The following CSMD1 variants were observed in gnomAD, a reference collection of about 807,000 sequenced individuals.
CSMD1 encodes the protein CUB and sushi domain-containing protein 1.
In CSMD1, 213 loss-of-function variants were observed where a neutral mutation model predicts 417.5. That is an observed-to-expected ratio of 0.51 (90% CI 0.46 to 0.57). The LOEUF is 0.57. CSMD1 is among the 20% of genes least tolerant of loss of function. The pLI, the probability that CSMD1 is intolerant of heterozygous loss-of-function variation, is 0.00. For missense variants in CSMD1, 6,923 were observed against 4,529.7 expected, an observed-to-expected ratio of 1.53 and a Z score of -15.17; for synonymous variants, 2,862 against 1,736.8, an observed-to-expected ratio of 1.65 and a Z score of -16.11.
intron 3 of CSMD1, among the ~76,000 whole-genome samples, chr8:4,185,807 T>G (rs542595041): frequency 1.6e-4 from 24 of 152,196 alleles, no homozygotes; most frequent in African/African-American, 5.5e-4. Context: ...GCAGACCCAG[T>G]GCCAGAGTCA....
At chr8:3,602,678 A>C (rs983171177) in intron 8 of CSMD1, among the ~76,000 whole-genome samples, 1 of 151,796 alleles carries the variant, frequency 6.6e-6, no homozygotes, top group South Asian at 2.1e-4. Context: ...AGAAATAATC[A>C]CATCTCCTAT....
At chr8:3,553,253 A>G (rs748164080) in intron 10 of CSMD1, among the ~76,000 whole-genome samples, 6 of 152,218 alleles carry the variant, frequency 3.9e-5, no homozygotes, top group South Asian at 2.1e-4. Context: ...TAATGTAGCC[A>G]TAGTTCGGAG....
In CSMD1 at chr8:3,181,239, T is replaced by C. The variant is rs777971685; in HGVS notation, c.5621-25A>G. On this transcript the variant is annotated intron_variant, in intron 36 of 69. Transcript: ENST00000635120. Reference sequence around the variant, plus strand: ...CCTGTAAGAAACAATGCAGATAGAATTGTAACACTACAAATACATTCACTT... The same window carrying C: ...CCTGTAAGAAACAATGCAGATAGAACTGTAACACTACAAATACATTCACTT... The C allele has an allele frequency of 7.5e-6, 11 of 1,466,646 alleles. No homozygotes were observed. In the East Asian group the frequency reaches 1.8e-4, roughly 24 times the overall value. 90.9% of individuals were successfully genotyped at this position (1,466,646 alleles called of 1,614,324 possible). A position where few individuals can be genotyped will look rare whatever the true frequency, so the allele number is the denominator to read the frequency against.
intron 1 of CSMD1, among the ~76,000 whole-genome samples, chr8:4,763,765 C>T (rs900246750): frequency 1.3e-5 from 2 of 152,096 alleles, no homozygotes; most frequent in African/African-American, 2.4e-5. Context: ...GCAGGGCAGT[C>T]GTTTCTAACT....
At chr8:3,256,308 A>AG (rs1554487803) in intron 26 of CSMD1, among the ~76,000 whole-genome samples, 10,363 of 119,038 alleles carry the variant, frequency 0.087, 504 homozygotes, top group Admixed American at 0.16. Flanking sequence ...CTAAGTCTCA[A>AG]GAAAAAAAAA....
intron 3 of CSMD1, among the ~76,000 whole-genome samples, chr8:4,118,598 C>A (rs530356637): frequency 1.3e-5 from 2 of 152,254 alleles, no homozygotes; most frequent in East Asian, 1.9e-4. Context: ...ACAATAGATG[C>A]TGGCAAGGCT....
chr8:4,358,282 G>C lies in CSMD1; in HGVS notation c.415+61671C>G, dbSNP rs192381636. On this transcript the variant is annotated intron_variant, in intron 3 of 69. Coordinates refer to ENST00000635120, the MANE Select transcript of CSMD1 (RefSeq NM_033225.6). The stretch of plus-strand genomic sequence containing the variant: ...TGCTTTACCAGTGGGTGTGGAGCGC[G>C]GCCATGGGCCAGATCCAGCTGGTGC... 4.6e-5 allele frequency among the ~76,000 whole-genome samples: 7 copies of C among 152,160 alleles called. No homozygotes were observed. In the South Asian group the frequency reaches 6.2e-4, roughly 13 times the overall value.
chr8:4,880,748 A>G (rs1362169003), intron 1 of CSMD1, among the ~76,000 whole-genome samples: 2 of 152,090 alleles, frequency 1.3e-5, no homozygotes, highest in Non-Finnish European at 2.9e-5. Flanking sequence ...ATGAGTTGGA[A>G]CAATCTTTTG....
chr8:3,561,840 G>A (rs13261884), intron 10 of CSMD1, among the ~76,000 whole-genome samples: 43,032 of 152,112 alleles, frequency 0.28, 6,419 homozygotes, highest in Middle Eastern at 0.41. Context: ...ACTGAGGAAG[G>A]AGAAATGTAT....
intron 3 of CSMD1, among the ~76,000 whole-genome samples, chr8:4,300,638 C>G (rs562855699): frequency 5.0e-4 from 76 of 152,144 alleles, no homozygotes; most frequent in Non-Finnish European, 9.8e-4. Context: ...CACCCATTAA[C>G]TCGTCATTTA....
At chr8:4,138,920 G>A (rs912457093) in intron 3 of CSMD1, among the ~76,000 whole-genome samples, 1 of 152,146 alleles carries the variant, frequency 6.6e-6, no homozygotes, top group Non-Finnish European at 1.5e-5. Context: ...AGTCCTGCAA[G>A]CTTCTATTTA....
intron 5 of CSMD1, among the ~76,000 whole-genome samples, chr8:3,854,712 C>A (rs149459202): frequency 2.4e-4 from 35 of 146,450 alleles, no homozygotes; most frequent in African/African-American, 6.6e-4. Context: ...GATGAGACAG[C>A]GGGGGAAATG....
Position 4,386,699 on chromosome 8 carries a change from A to G in CSMD1, c.415+33254T>C, listed in dbSNP as rs552794978. 9.8e-5 allele frequency among the ~76,000 whole-genome samples: 15 copies of G among 152,346 alleles called. No homozygotes were observed. The East Asian group carries it at 2.7e-3, about 27-fold the overall frequency. ...AGCCCTTGCAGAATGTATTGCAGAC[A>G]AGGATCCAGATGGTAAGGGATAGCT... On this transcript the variant is annotated intron_variant, in intron 3 of 69. Coordinates refer to ENST00000635120, the MANE Select transcript of CSMD1 (RefSeq NM_033225.6).
At chr8:4,729,806 A>G (rs1722118718) in intron 1 of CSMD1, among the ~76,000 whole-genome samples, 1 of 152,228 alleles carries the variant, frequency 6.6e-6, no homozygotes, top group South Asian at 2.1e-4. Context: ...ATGAAATAAA[A>G]GTTTTCCATT....
chr8:3,663,321 G>A (rs1479451878), intron 7 of CSMD1, among the ~76,000 whole-genome samples: 2 of 152,138 alleles, frequency 1.3e-5, no homozygotes, highest in Non-Finnish European at 2.9e-5. Context: ...TTTTTCAGAG[G>A]TAGGCATGGT....
chr8:3,350,206 TATA>T (rs1225377311), intron 21 of CSMD1, among the ~76,000 whole-genome samples: 1 of 132,584 alleles, frequency 7.5e-6, no homozygotes, highest in Non-Finnish European at 1.6e-5. Flanking sequence ...ATGTGTGTGT[TATA>T]ATACCTATAA....
At chr8:3,297,552 G>C (rs960587193) in intron 25 of CSMD1, among the ~76,000 whole-genome samples, 1 of 152,054 alleles carries the variant, frequency 6.6e-6, no homozygotes, top group African/African-American at 2.4e-5. Context: ...TTGTACTATA[G>C]TGCAATAAAG....
At chr8:3,830,593 G>C (rs967061480) in intron 5 of CSMD1, among the ~76,000 whole-genome samples, 5 of 152,124 alleles carry the variant, frequency 3.3e-5, no homozygotes, top group Admixed American at 6.6e-5. Context: ...ATGATTGTTT[G>C]CAAGCAACAC....
intron 46 of CSMD1, among the ~76,000 whole-genome samples, chr8:3,106,036 G>C (rs1299355421): frequency 6.6e-6 from 1 of 152,078 alleles, no homozygotes; most frequent in Non-Finnish European, 1.5e-5. Flanking sequence ...AAAAGAAAAA[G>C]CATCATTAGA....
Sources: allele counts gnomAD v4.1 joint callset (sites outside exome capture counted in the v4.1 genomes callset), GRCh38; gene constraint gnomAD v4.1.1; transcripts MANE v1.5; gene names NCBI Gene and HGNC (gene_info 2026-07-23, HGNC 2026-07-21).